The following GRK1 variants were observed in gnomAD, a reference collection of about 807,000 sequenced individuals.
GRK1 encodes the protein rhodopsin kinase GRK1.
In GRK1, 28 loss-of-function variants were observed where a neutral mutation model predicts 41.7. The ratio of observed to expected loss-of-function variants is 0.67; its 90% CI spans 0.50 to 0.92. The LOEUF is 0.92. Among genes scored for constraint, GRK1 ranks in the 40% least tolerant of loss-of-function variants. GRK1 has a pLI of 0.00. For synonymous variants in GRK1, 327 were observed against 286.7 expected (o/e 1.14, Z -1.42); for missense variants, 703 against 671.2 (o/e 1.05, Z -0.52).
chr13:113,650,547 G>C, the GRK1 span: 1 of 1,518,426 alleles, frequency 6.6e-7, no homozygotes, highest in African/African-American at 1.4e-5. This position sits in a 1 kb window ranked among gnomAD's most constrained non-coding sequence, Gnocchi z 5.0. Context: ...GGCGGGAGCT[G>C]GTGTGTGCCG....
chr13:113,727,241 T>C (rs998361908), intron 4 of GRK1, among the ~76,000 whole-genome samples: 2 of 152,232 alleles, frequency 1.3e-5, no homozygotes, highest in Non-Finnish European at 2.9e-5. Flanking sequence ...TTGGTCAGCA[T>C]GCAGCCATCT....
chr13:113,734,037 T>TGC (rs2049982905), intron 6 of GRK1, among the ~76,000 whole-genome samples: 2 of 98,304 alleles, frequency 2.0e-5, no homozygotes, highest in African/African-American at 9.8e-5. Context: ...CGTGTGCGTA[T>TGC]GTGTGTGTGC....
chr13:113,655,565 C>T, the GRK1 span, among the ~76,000 whole-genome samples: 1,036 of 152,328 alleles, frequency 6.8e-3, 14 homozygotes, highest in African/African-American at 0.023. Flanking sequence ...CAGAACCTAA[C>T]GGAAGCCACC....
the GRK1 span, chr13:113,649,121 C>A: frequency 3.0e-6 from 1 of 332,100 alleles, no homozygotes; most frequent in Non-Finnish European, 5.5e-6. The surrounding 1 kb of genome is among the most constrained non-coding windows in gnomAD (Gnocchi z 4.7). Context: ...CCTTGCGTTC[C>A]CATGGTAGCT....
At chr13:113,651,570 T>C in the GRK1 span, 1 of 1,317,854 alleles carries the variant, frequency 7.6e-7, no homozygotes, top group Non-Finnish European at 1.0e-6. Flanking sequence ...ACGGCTGACA[T>C]TCCTGGAGAG....
Position 113,731,511 on chromosome 13 carries a change from C to A in GRK1, c.1194+168C>A. The stretch of plus-strand genomic sequence containing the variant: ...GCTGGGGTCTTGCTCCTGGGCCATG[C>A]TGTTCTGTCTCAGTGGGTGACGCCC... On this transcript the variant is annotated intron_variant, in intron 5 of 6. Coordinates refer to ENST00000335678, the MANE Select transcript of GRK1 (RefSeq NM_002929.3). The surrounding 1 kb of genome is among the most constrained non-coding windows in gnomAD (Gnocchi z 5.6). The A allele has an allele frequency of 1.8e-6, 1 of 571,062 alleles. No individual in the cohort carries two copies. The allele number at this position is 571,062 out of a possible 1,614,324, so 35.4% of individuals were successfully genotyped here.
Position 113,668,086 on chromosome 13 carries a change from G to A in GRK1, c.699+1G>A, listed in dbSNP as rs1191610272. The stretch of plus-strand genomic sequence containing the variant: ...GCTGAAGAAGAGGAAGGGCTACCAG[G>A]TGAGCAGCGCGACCCGGCCAGCAGG... On this transcript the variant is annotated splice_donor_variant, in intron 1 of 6. Transcript: ENST00000335678. LOFTEE classifies it high-confidence loss of function. 6 of 1,601,224 alleles carry A rather than the reference G, an allele frequency of 3.7e-6. No individual in the cohort carries two copies. The highest frequency in any genetic ancestry group is 5.1e-6 in the Non-Finnish European group (6 of 1,174,586).
At chr13:113,728,010 CGAT>C (rs1362749536) in intron 4 of GRK1, among the ~76,000 whole-genome samples, 1 of 44,874 alleles carries the variant, frequency 2.2e-5, no homozygotes, top group Non-Finnish European at 3.8e-5. Flanking sequence ...GTACCCATGG[CGAT>C]GAGGAGTACC....
the GRK1 span, among the ~76,000 whole-genome samples, chr13:113,651,938 A>C: frequency 6.7e-6 from 1 of 149,150 alleles, no homozygotes; most frequent in African/African-American, 2.5e-5. Context: ...CCCTCCCCCC[A>C]CCCACCCATC....
rs369124904 is a variant in GRK1 at position 113,667,560 on chromosome 13, T to A, written c.174T>A (p.Phe58Leu). The A allele has an allele frequency of 6.2e-7, 1 of 1,613,596 alleles. No homozygotes were observed. The highest frequency in any genetic ancestry group is 1.7e-5 in the Admixed American group (1 of 60,024). ...ESLRDSLSLE[F>L]ESVCLEQPIG... ...TCCGCGACAGCCTCAGCCTGGAGTTTGAGAGTGTGTGCTTGGAGCAGCCCA... is the reference window on the plus strand; with the variant it reads ...TCCGCGACAGCCTCAGCCTGGAGTTAGAGAGTGTGTGCTTGGAGCAGCCCA... The change falls in exon 1 of 7, where the codon TTT becomes TTA. Residue 58 changes from phenylalanine (F) to leucine (L), a missense_variant. Coordinates refer to ENST00000335678, the MANE Select transcript of GRK1 (RefSeq NM_002929.3). This position sits in a 1 kb window ranked among gnomAD's most constrained non-coding sequence, Gnocchi z 7.5.
chr13:113,730,151 G>A (rs1395328985), intron 4 of GRK1, among the ~76,000 whole-genome samples: 1 of 84,048 alleles, frequency 1.2e-5, no homozygotes, highest in Non-Finnish European at 2.2e-5. Context: ...ACCCAGACCC[G>A]TCCCTCCATC....
intron 3 of GRK1, among the ~76,000 whole-genome samples, chr13:113,672,054 G>A (rs2049861126): frequency 6.6e-6 from 1 of 152,092 alleles, no homozygotes; most frequent in Non-Finnish European, 1.5e-5. Flanking sequence ...GAGGTGGGAG[G>A]ATCTCGGTGG....
At chr13:113,651,385 G>A in the GRK1 span, among the ~76,000 whole-genome samples, 1 of 152,350 alleles carries the variant, frequency 6.6e-6, no homozygotes, top group East Asian at 1.9e-4. Flanking sequence ...AAGGTGCACT[G>A]GTCTTTCCAC....
chr13:113,654,737 C>G, the GRK1 span: 1 of 1,528,008 alleles, frequency 6.5e-7, no homozygotes, highest in Non-Finnish European at 8.8e-7. Flanking sequence ...GGCACGGGTC[C>G]CCCGGGCGTC....
At position 113,735,138 on chromosome 13, in the gene GRK1, C is replaced by A. The variant is rs766635057; in HGVS notation, c.1467C>A (p.Ala489=). ...VYAKDIQDVG[A]FSTVKGVAFD... ...CAAAGGATATTCAGGACGTGGGTGCCTTTTCCACCGTCAAAGGTGTGGCCT... is the reference window on the plus strand; with the variant it reads ...CAAAGGATATTCAGGACGTGGGTGCATTTTCCACCGTCAAAGGTGTGGCCT... Residue 489 remains alanine, a synonymous_variant, in exon 7 of 7, where the codon GCC becomes GCA. Coordinates refer to ENST00000335678, the MANE Select transcript of GRK1 (RefSeq NM_002929.3). The A allele has an allele frequency of 2.9e-5, 45 of 1,537,144 alleles. No homozygotes were observed. The highest frequency in any genetic ancestry group is 3.7e-5 in the Non-Finnish European group (43 of 1,146,846).
chr13:113,731,148 C>T lies in GRK1; in HGVS notation c.1070-71C>T. 1 of 1,505,536 alleles carries T rather than the reference C, an allele frequency of 6.6e-7. No homozygotes were observed. The highest frequency in any genetic ancestry group is 2.5e-5 in the East Asian group (1 of 40,486). 93.3% of individuals were successfully genotyped at this position (1,505,536 alleles called of 1,614,324 possible). ...GGGATGCATCCCCAGAGCATCAGTCCTGCGATTCCTGGAGTGCGTGCCCAC... is the reference window on the plus strand; with the variant it reads ...GGGATGCATCCCCAGAGCATCAGTCTTGCGATTCCTGGAGTGCGTGCCCAC... On this transcript the variant is annotated intron_variant, in intron 4 of 6. Coordinates refer to ENST00000335678, the MANE Select transcript of GRK1 (RefSeq NM_002929.3). The surrounding 1 kb of genome is among the most constrained non-coding windows in gnomAD (Gnocchi z 5.6).
rs1043954726 is a variant in GRK1 at position 113,671,750 on chromosome 13, C to T, written c.985+94C>T. The T allele has an allele frequency of 2.3e-3, 1,600 of 689,912 alleles. 20 individuals are homozygous for T. The African/African-American group carries it at 0.024, about 10-fold the overall frequency. 42.7% of individuals were successfully genotyped at this position (689,912 alleles called of 1,614,324 possible). A position where few individuals can be genotyped will look rare whatever the true frequency, so the allele number is the denominator to read the frequency against. On this transcript the variant is annotated intron_variant, in intron 3 of 6. Coordinates refer to ENST00000335678, the MANE Select transcript of GRK1 (RefSeq NM_002929.3). The surrounding 1 kb of genome is among the most constrained non-coding windows in gnomAD (Gnocchi z 4.1). The stretch of plus-strand genomic sequence containing the variant: ...CTCTGCACAACCTCACGAGGGCTGA[C>T]GGCTGTGTGGACGGTGGGGGTTCAT...
chr13:113,731,052 G>A lies in GRK1; in HGVS notation c.1070-167G>A. 1 of 560,064 alleles carries A rather than the reference G, an allele frequency of 1.8e-6. No homozygotes were observed. The highest frequency in any genetic ancestry group is 2.3e-6 in the Non-Finnish European group (1 of 441,520). The allele number at this position is 560,064 out of a possible 1,614,324, so 34.7% of individuals were successfully genotyped here. A position where few individuals can be genotyped will look rare whatever the true frequency, so the allele number is the denominator to read the frequency against. ...AGTCTGGGGTGCTGCTTGGCACCCA[G>A]TAACACACAGGGCAGCCCCTCCACA... is the stretch of plus-strand genomic sequence containing the variant. On this transcript the variant is annotated intron_variant, in intron 4 of 6. Coordinates refer to ENST00000335678, the MANE Select transcript of GRK1 (RefSeq NM_002929.3). The surrounding 1 kb of genome is among the most constrained non-coding windows in gnomAD (Gnocchi z 5.6).
rs1286403350 is a variant in GRK1, at chr13:113,735,583, ATT to A, written c.*222_*223del. On this transcript the variant is annotated 3_prime_UTR_variant, in exon 7 of 7. Transcript: ENST00000335678. ...TGGTGCCGTGAGCCCCCGACTGCAT[ATT>A]TCACGTCTTTTGCTCCATCTCACTG... 4 of 478,526 alleles carry A rather than the reference ATT, an allele frequency of 8.4e-6. No individual in the cohort carries two copies. The highest frequency in any genetic ancestry group is 1.1e-5 in the Non-Finnish European group (3 of 275,760). The allele number at this position is 478,526 out of a possible 1,614,324, so 29.6% of individuals were successfully genotyped here.
Sources: allele counts gnomAD v4.1 joint callset (sites outside exome capture counted in the v4.1 genomes callset), GRCh38; gene constraint gnomAD v4.1.1; non-coding constraint Gnocchi (gnomAD v3.1); transcripts MANE v1.5; gene names NCBI Gene and HGNC (gene_info 2026-07-23, HGNC 2026-07-21).